FMN2: variants seen among roughly 807,000 people sequenced by gnomAD.
The protein encoded by FMN2 is formin-2.
In FMN2, 51 loss-of-function variants were observed where a neutral mutation model predicts 142.3. The ratio of observed to expected loss-of-function variants is 0.36; its 90% CI spans 0.29 to 0.45. The LOEUF is 0.45. FMN2 is among the 20% of genes least tolerant of loss of function. The probability of loss-of-function intolerance (pLI) is 1.00; values close to 1 mark genes in which losing one functional copy is unlikely to be tolerated. For missense variants in FMN2, 1,936 were observed against 2,122.8 expected (o/e 0.91, Z 1.73); for synonymous variants, 882 against 869.8 (o/e 1.01, Z -0.25).
At chr1:240,123,405 G>T in intron 2 of FMN2, 60 bp downstream of exon 2, 1 of 1,525,940 alleles carries the variant, frequency 6.6e-7, no homozygotes, top group Non-Finnish European at 8.9e-7. Context: ...TAGCAGCTAC[G>T]ATGTGTATCT....
At chr1:240,257,622 G>A (rs1377957653) in intron 6 of FMN2, among the ~76,000 whole-genome samples, 1 of 152,124 alleles carries the variant, frequency 6.6e-6, no homozygotes, top group Non-Finnish European at 1.5e-5. Flanking sequence ...ATGTGTAATT[G>A]TGATTTTACA....
intron 4 of FMN2, among the ~76,000 whole-genome samples, chr1:240,196,863 T>A (rs983332691): frequency 1.3e-5 from 2 of 152,176 alleles, no homozygotes; most frequent in African/African-American, 4.8e-5. Flanking sequence ...CGAAAGATGT[T>A]CCCAAGCCTA....
At chr1:240,336,468 T>C (rs1193590427) in intron 13 of FMN2, among the ~76,000 whole-genome samples, 1 of 145,038 alleles carries the variant, frequency 6.9e-6, no homozygotes, top group East Asian at 2.2e-4. Context: ...CACAGCCTGT[T>C]ACAATTTGAT....
At chr1:240,168,910 T>TA (rs563331866) in intron 2 of FMN2, among the ~76,000 whole-genome samples, 11 of 151,592 alleles carry the variant, frequency 7.3e-5, no homozygotes, top group Non-Finnish European at 1.3e-4. Flanking sequence ...TCCCTGAGAT[T>TA]AAAAAAAAGA....
intron 2 of FMN2, chr1:240,170,503 C>A: frequency 6.6e-7 from 1 of 1,506,608 alleles, no homozygotes; most frequent in Non-Finnish European, 9.2e-7. Context: ...CTAACCTTGC[C>A]AGAATATAAG....
chr1:240,295,887 G>A (rs909313867), intron 8 of FMN2, among the ~76,000 whole-genome samples: 1 of 152,138 alleles, frequency 6.6e-6, no homozygotes, highest in Admixed American at 6.5e-5. Flanking sequence ...TCGACAGTGT[G>A]CCAGGGTTCC....
At chr1:240,258,841 G>A (rs1046652910) in intron 7 of FMN2, among the ~76,000 whole-genome samples, 7 of 152,162 alleles carry the variant, frequency 4.6e-5, no homozygotes, top group Non-Finnish European at 8.8e-5. Flanking sequence ...ATTTAAAGCA[G>A]ATTGAATTAT....
rs746206008 is a variant in FMN2, at chr1:240,206,977, G to T, written c.2165G>T (p.Cys722Phe). 1 of 1,614,038 alleles carries T rather than the reference G, an allele frequency of 6.2e-7. No homozygotes were observed. Among genetic ancestry groups the T allele is most frequent in the African/African-American group, 1.3e-5 (1 of 74,920 alleles). ...ENGVTASGDV[C>F]LEALRLEEKE... ...GGAGTGACAGCCTCAGGCGATGTCT[G>T]TCTCGAAGCTCTCAGGTTAGAAGAA... The change falls in exon 5 of 18, where the codon TGT becomes TTT. Residue 722 changes from cysteine (C) to phenylalanine (F), a missense_variant. Transcript: ENST00000319653.
chr1:240,363,498 C>T (rs915486333), intron 14 of FMN2, among the ~76,000 whole-genome samples: 6 of 152,162 alleles, frequency 3.9e-5, no homozygotes, highest in Admixed American at 2.0e-4. Context: ...CTTGCTTGGC[C>T]CCTCCCAGTT....
At chr1:240,170,262 G>A (rs998464233) in intron 2 of FMN2, 9 of 1,202,272 alleles carry the variant, frequency 7.5e-6, no homozygotes, top group Non-Finnish European at 9.8e-6. Flanking sequence ...CACCCCTAAA[G>A]GCTCGTGAAG....
intron 2 of FMN2, chr1:240,144,999 T>C: frequency 3.1e-6 from 4 of 1,300,622 alleles, no homozygotes; most frequent in East Asian, 4.7e-5. Flanking sequence ...AAAACAGAGA[T>C]GATGTCAGCA....
chr1:240,241,825 CTTTTTTTTTTTT>C (rs71567282), intron 6 of FMN2, among the ~76,000 whole-genome samples: 5 of 96,200 alleles, frequency 5.2e-5, no homozygotes, highest in East Asian at 3.2e-4. Context: ...GTGTGCCTTG[CTTTTTTTTTTTT>C]TTTTTTTTTT....
At chr1:240,124,334 T>G (rs1662413685) in intron 2 of FMN2, among the ~76,000 whole-genome samples, 2 of 152,172 alleles carry the variant, frequency 1.3e-5, no homozygotes, top group African/African-American at 4.8e-5. Flanking sequence ...TGCTATTTTG[T>G]GCGTTCCTAA....
chr1:240,279,283 G>T (rs111489458), intron 7 of FMN2, among the ~76,000 whole-genome samples: 50 of 152,220 alleles, frequency 3.3e-4, no homozygotes, highest in Non-Finnish European at 2.9e-5. Context: ...TTCTGATACC[G>T]TGAGAAGAGG....
intron 4 of FMN2, among the ~76,000 whole-genome samples, chr1:240,196,167 GT>G (rs1178026370): frequency 6.6e-6 from 1 of 152,248 alleles, no homozygotes; most frequent in Non-Finnish European, 1.5e-5. Context: ...GGAGCCATGA[GT>G]TTTTGAGGAA....
In FMN2 at chr1:240,361,149, A is replaced by T. The variant is rs1225235620; in HGVS notation, c.4858+5241A>T. Among the ~76,000 whole-genome samples, 16 of 21,346 alleles carry T rather than the reference A, an allele frequency of 7.5e-4. No homozygotes were observed. The East Asian group carries it at 0.025, about 33-fold the overall frequency. The allele number at this position is 21,346 out of a possible 152,430, so 14.0% of individuals were successfully genotyped here. ...AATAAATAAATATATGTGTATATAT[A>T]TATATATATATATATATATATATAT... On this transcript the variant is annotated intron_variant, in intron 14 of 17. Coordinates refer to ENST00000319653, the MANE Select transcript of FMN2 (RefSeq NM_020066.5).
At chr1:240,164,728 T>C (rs1207323031) in intron 2 of FMN2, among the ~76,000 whole-genome samples, 2 of 152,218 alleles carry the variant, frequency 1.3e-5, no homozygotes, top group East Asian at 3.8e-4. Context: ...GTCATCTATT[T>C]GTGGCTGCTT....
At chr1:240,258,753 A>G (rs983826500) in intron 7 of FMN2, among the ~76,000 whole-genome samples, 1 of 152,194 alleles carries the variant, frequency 6.6e-6, no homozygotes, top group Non-Finnish European at 1.5e-5. Flanking sequence ...TTATGCTGAG[A>G]GATACTGCCC....
At chr1:240,415,111 G>C (rs905495483) in intron 15 of FMN2, among the ~76,000 whole-genome samples, 2 of 152,044 alleles carry the variant, frequency 1.3e-5, no homozygotes, top group Admixed American at 1.3e-4. Context: ...AAAATATGTT[G>C]AATAGCAAAG....
Sources: allele counts gnomAD v4.1 joint callset (sites outside exome capture counted in the v4.1 genomes callset), GRCh38; gene constraint gnomAD v4.1.1; transcripts MANE v1.5; gene names NCBI Gene and HGNC (gene_info 2026-07-23, HGNC 2026-07-21).